RBCK1: variants seen among roughly 807,000 people sequenced by gnomAD.
RBCK1 encodes ranBP-type and C3HC4-type zinc finger-containing protein 1.
Under a neutral mutation model 71.1 loss-of-function variants are expected in RBCK1, and 44 were observed. That is an observed-to-expected ratio of 0.62 (90% CI 0.49 to 0.80). The LOEUF (loss-of-function observed/expected upper bound fraction) is 0.80. Among genes scored for constraint, RBCK1 ranks in the 30% least tolerant of loss-of-function variants. RBCK1 has a pLI of 0.00. For synonymous variants in RBCK1, 306 were observed against 279.7 expected, an observed-to-expected ratio of 1.09 and a Z score of -0.94; for missense variants, 569 against 685.0, an observed-to-expected ratio of 0.83 and a Z score of 1.89.
intron 8 of RBCK1, among the ~76,000 whole-genome samples, chr20:424,832 C>G (rs905258592): frequency 6.6e-6 from 1 of 152,120 alleles, no homozygotes; most frequent in Non-Finnish European, 1.5e-5. Flanking sequence ...TCAAGTGTGA[C>G]AGAGAGAAGG....
In RBCK1 at chr20:420,985, C is replaced by G; in HGVS notation, c.871C>G (p.Pro291Ala). The G allele has an allele frequency of 6.4e-7, 1 of 1,564,224 alleles. No individual in the cohort carries two copies. The highest frequency in any genetic ancestry group is 1.4e-5 in the African/African-American group (1 of 73,762). ...CCCCGTGTGCTACTCGGTGCTGGCG[C>G]CCGGCGAGGCCGTGGTGCTGCGTGA... is the stretch of plus-strand genomic sequence containing the variant. ...ECPVCYSVLA[P>A]GEAVVLRECL... The change falls in exon 7 of 12, where the codon CCC (proline) becomes GCC (alanine). Residue 291 changes from proline to alanine, a missense_variant. Physicochemically the swap from Pro to Ala is conservative, Grantham distance 27. This residue lies in a region of RBCK1 where 211 missense variants were observed against 309.4 expected (regional missense o/e 0.68). Transcript: ENST00000356286.
Position 428,517 on chromosome 20 carries a change from G to A in RBCK1, c.1236G>A (p.Lys412=), listed in dbSNP as rs754802788. ...CCATCCATGAGCAGATGAACTGCAA[G>A]GAGTATCAGGAGGACCTGGCCCTGC... The part of the protein sequence containing the change: ...CKAIHEQMNC[K]EYQEDLALRA... Residue 412 remains lysine (K), a synonymous_variant, in exon 10 of 12, where the codon AAG becomes AAA. Coordinates refer to ENST00000356286, the MANE Select transcript of RBCK1 (RefSeq NM_031229.4). The surrounding 1 kb of genome is among the most constrained non-coding windows in gnomAD (Gnocchi z 5.7). 3 of 1,611,570 alleles carry A rather than the reference G, an allele frequency of 1.9e-6. No homozygotes were observed. The highest frequency in any genetic ancestry group is 2.2e-5 in the South Asian group (2 of 90,346).
chr20:428,812 A>G lies in RBCK1; in HGVS notation c.1309-139A>G. 2.8e-6 allele frequency: 4 copies of G among 1,433,984 alleles called. No individual in the cohort carries two copies. Among genetic ancestry groups the G allele is most frequent in the Non-Finnish European group, 3.6e-6 (4 of 1,098,224 alleles). 88.8% of individuals were successfully genotyped at this position (1,433,984 alleles called of 1,614,324 possible). On this transcript the variant is annotated intron_variant, in intron 10 of 11. Coordinates refer to ENST00000356286, the MANE Select transcript of RBCK1 (RefSeq NM_031229.4). The surrounding 1 kb of genome is among the most constrained non-coding windows in gnomAD (Gnocchi z 5.7). Reference sequence around the variant, plus strand: ...ACAGGAATGAAGAGGGGGTTGCTGGATGGAGCCTGGCCTGGCAGAGCCACA... The same window carrying G: ...ACAGGAATGAAGAGGGGGTTGCTGGGTGGAGCCTGGCCTGGCAGAGCCACA...
At position 408,439 on chromosome 20, in the gene RBCK1, G is replaced by T. The variant is rs528404011; in HGVS notation, c.-319G>T. On this transcript the variant is annotated 5_prime_UTR_variant, in exon 1 of 12. Coordinates refer to ENST00000356286, the MANE Select transcript of RBCK1 (RefSeq NM_031229.4). ...GGTCCTCCGGGACTTGGAACGCCCCGGCTGGGTGGTGTCCGGGCGTCCTTT... is the reference window on the plus strand; with the variant it reads ...GGTCCTCCGGGACTTGGAACGCCCCTGCTGGGTGGTGTCCGGGCGTCCTTT... 244 of 488,916 alleles carry T rather than the reference G, an allele frequency of 5.0e-4. No homozygotes were observed. Among genetic ancestry groups the T allele is most frequent in the African/African-American group, 4.7e-3 (227 of 48,744 alleles). 30.3% of individuals were successfully genotyped at this position (488,916 alleles called of 1,614,324 possible). A position where few individuals can be genotyped will look rare whatever the true frequency, so the allele number is the denominator to read the frequency against.
chr20:411,618 A>C (rs76201975), intron 2 of RBCK1, among the ~76,000 whole-genome samples: 21,018 of 151,340 alleles, frequency 0.14, 1,532 homozygotes, highest in East Asian at 0.21. Flanking sequence ...CCGCCCGCCT[A>C]TGCCTCCCAA....
chr20:415,081 A>G (rs1269002734), intron 2 of RBCK1, among the ~76,000 whole-genome samples: 2 of 152,214 alleles, frequency 1.3e-5, no homozygotes, highest in Non-Finnish European at 2.9e-5. Flanking sequence ...GTGTCTTCAA[A>G]AAATTAGGAC....
At position 428,909 on chromosome 20, in the gene RBCK1, T is replaced by C; in HGVS notation, c.1309-42T>C. On this transcript the variant is annotated intron_variant, in intron 10 of 11. Transcript: ENST00000356286. The surrounding 1 kb of genome is among the most constrained non-coding windows in gnomAD (Gnocchi z 5.7). ...ATGGGGAGGGGCCAGGCTGGGTGAC[T>C]GCCCCAGCCCCGCCCCAGGGCCAGC... The C allele has an allele frequency of 6.4e-7, 1 of 1,563,922 alleles. No homozygotes were observed. Among genetic ancestry groups the C allele is most frequent in the Non-Finnish European group, 8.6e-7 (1 of 1,160,642 alleles).
chr20:410,089 A>T, intron 2 of RBCK1, 64 bp downstream of exon 2: 1 of 1,541,504 alleles, frequency 6.5e-7, no homozygotes, highest in South Asian at 1.2e-5. Context: ...TGCCTGTAGA[A>T]CAGTTCTTCC....
rs57454310 is a variant in RBCK1, at chr20:419,185, G to A, written c.461-162G>A. ...TGGAATAGGGACCCTGACCCTGGGG[G>A]AGCCAGGATGCCCACTTGGCCAGAT... is the stretch of plus-strand genomic sequence containing the variant. On this transcript the variant is annotated intron_variant, in intron 4 of 11. Transcript: ENST00000356286. 0.14 allele frequency among the ~76,000 whole-genome samples: 21,502 copies of A among 152,224 alleles called. 1,723 individuals are homozygous for A. The highest frequency in any genetic ancestry group is 0.24 in the East Asian group (1,259 of 5,172).
At chr20:420,201 C>T (rs920088727) in intron 6 of RBCK1, 38 of 985,108 alleles carry the variant, frequency 3.9e-5, no homozygotes, top group Admixed American at 6.1e-5. Context: ...CTGGGCCCAC[C>T]CCTGACTTCC....
rs138999353 is a variant in RBCK1, at chr20:425,067, A to G, written c.1030-2246A>G. On this transcript the variant is annotated intron_variant, in intron 8 of 11. Coordinates refer to ENST00000356286, the MANE Select transcript of RBCK1 (RefSeq NM_031229.4). ...ACTCTGTCATCCAGGCTGGAGTGCA[A>G]TGGCGCGATCTCAGCCCACTGCAAG... Among the ~76,000 whole-genome samples the G allele has an allele frequency of 3.4e-3, 521 of 151,850 alleles. 1 individual carries two copies. Among genetic ancestry groups the G allele is most frequent in the Middle Eastern group, 0.01 (3 of 294 alleles).
intron 6 of RBCK1, 97 bp from the exon 7 acceptor site, chr20:420,774 A>G: frequency 1.1e-6 from 1 of 910,394 alleles, no homozygotes; most frequent in Non-Finnish European, 1.5e-6. Context: ...GGCTGGTCTG[A>G]CCCAGCCCTG....
chr20:419,601 C>T lies in RBCK1; in HGVS notation c.626C>T (p.Thr209Met), dbSNP rs775839800. The change falls in exon 6 of 12, where the codon ACG becomes ATG. Residue 209 changes from threonine (T) to methionine (M), a missense_variant. Thr to Met is a moderately conservative substitution (Grantham distance 81). This residue lies in a region of RBCK1 where 358 missense variants were observed against 375.6 expected (regional missense o/e 0.95). Transcript: ENST00000356286. ...GGGTGCACCTTCATCAACAAGCCCACGCGGCCTGGCTGTGAGATGTGCTGC... is the reference window on the plus strand; with the variant it reads ...GGGTGCACCTTCATCAACAAGCCCATGCGGCCTGGCTGTGAGATGTGCTGC... ...CPGCTFINKP[T>M]RPGCEMCCRA... 2.5e-6 allele frequency: 4 copies of T among 1,600,034 alleles called. No homozygotes were observed. The highest frequency in any genetic ancestry group is 2.6e-6 in the Non-Finnish European group (3 of 1,174,102).
chr20:420,456 C>T (rs1053953715), intron 6 of RBCK1: 48 of 948,470 alleles, frequency 5.1e-5, no homozygotes, highest in Admixed American at 7.1e-5. Flanking sequence ...TTCCCCACCC[C>T]TGACGTTGAG....
rs377466962 is a variant in RBCK1 at position 428,586 on chromosome 20, G to A, written c.1305G>A (p.Leu435=). 8 of 1,610,004 alleles carry A rather than the reference G, an allele frequency of 5.0e-6. No homozygotes were observed. The highest frequency in any genetic ancestry group is 6.8e-6 in the Non-Finnish European group (8 of 1,178,398). Reference sequence around the variant, plus strand: ...CTGCCCGGCAGACGACAGAGATGCTGAAGGTGAGGCTGGGACAGGGCCGAG... The same window carrying A: ...CTGCCCGGCAGACGACAGAGATGCTAAAGGTGAGGCTGGGACAGGGCCGAG... The part of the protein sequence containing the change: ...DVAARQTTEM[L]KVMLQQGEAM... Residue 435 remains leucine (L), a synonymous_variant, in exon 10 of 12, where the codon CTG becomes CTA. Transcript: ENST00000356286. This position sits in a 1 kb window ranked among gnomAD's most constrained non-coding sequence, Gnocchi z 5.7.
intron 11 of RBCK1, 125 bp downstream of exon 11, chr20:429,219 G>T: frequency 7.6e-7 from 1 of 1,313,888 alleles, no homozygotes; most frequent in Non-Finnish European, 9.9e-7. Flanking sequence ...CAGCTCCCGA[G>T]GTAAGAATTT....
Position 430,578 on chromosome 20 carries a change from C to A in RBCK1, c.*148C>A. The A allele has an allele frequency of 1.3e-6, 1 of 761,504 alleles. No homozygotes were observed. Among genetic ancestry groups the A allele is most frequent in the Non-Finnish European group, 2.2e-6 (1 of 461,764 alleles). The allele number at this position is 761,504 out of a possible 1,614,324, so 47.2% of individuals were successfully genotyped here. ...CGGTTGTCCACGGTCACATCTGCCC[C>A]AGTGCCTTTGTCCTTCCCTTGGGGC... On this transcript the variant is annotated 3_prime_UTR_variant, in exon 12 of 12. Coordinates refer to ENST00000356286, the MANE Select transcript of RBCK1 (RefSeq NM_031229.4). The surrounding 1 kb of genome is among the most constrained non-coding windows in gnomAD (Gnocchi z 5.6).
chr20:431,364 T>G lies in RBCK1; in HGVS notation c.*934T>G, dbSNP rs572960429. 6.6e-6 allele frequency among the ~76,000 whole-genome samples: 1 copy of G among 152,212 alleles called. No individual in the cohort carries two copies. The highest frequency in any genetic ancestry group is 2.4e-5 in the African/African-American group (1 of 41,528). ...TGAGGGGTGGGGTTGTCCATCCTATTTTCTCGTCTCAAGCAAGATGGCACA... is the reference window on the plus strand; with the variant it reads ...TGAGGGGTGGGGTTGTCCATCCTATGTTCTCGTCTCAAGCAAGATGGCACA... On this transcript the variant is annotated 3_prime_UTR_variant, in exon 12 of 12. Transcript: ENST00000356286. The surrounding 1 kb of genome is among the most constrained non-coding windows in gnomAD (Gnocchi z 4.8).
At position 428,698 on chromosome 20, in the gene RBCK1, C is replaced by A; in HGVS notation, c.1308+109C>A. 1 of 1,368,846 alleles carries A rather than the reference C, an allele frequency of 7.3e-7. No homozygotes were observed. The highest frequency in any genetic ancestry group is 9.8e-7 in the Non-Finnish European group (1 of 1,025,196). The allele number at this position is 1,368,846 out of a possible 1,614,324, so 84.8% of individuals were successfully genotyped here. ...GCTCACACATCCCTGGAGGCTCTGA[C>A]CTCCCTTCTGGCTGTCACTCCCATC... On this transcript the variant is annotated intron_variant, in intron 10 of 11. Transcript: ENST00000356286. This position sits in a 1 kb window ranked among gnomAD's most constrained non-coding sequence, Gnocchi z 5.7.
Sources: gnomAD v4.1 joint callset for allele counts (sites outside exome capture counted in the v4.1 genomes callset) on GRCh38, gnomAD v4.1.1 for gene constraint, gnomAD v4.1.1 regional missense constraint, Gnocchi (gnomAD v3.1) non-coding constraint, MANE v1.5 for transcripts, NCBI Gene and HGNC (gene_info 2026-07-23, HGNC 2026-07-21) for gene names.